The following XRCC6 variants were observed in gnomAD, a reference collection of about 807,000 sequenced individuals.
XRCC6 encodes DNA repair protein Ku70.
XRCC6 carries 5 observed loss-of-function variants against 65.7 expected under a neutral mutation model. The observed-to-expected ratio is 0.08, with a 90% CI of 0.04 to 0.16. The LOEUF (loss-of-function observed/expected upper bound fraction) is 0.16. Among genes scored for constraint, XRCC6 ranks in the 10% least tolerant of loss-of-function variants. XRCC6 has a pLI of 1.00. For synonymous variants in XRCC6, 270 were observed against 270.6 expected (o/e 1.00, Z 0.02); for missense variants, 447 against 738.1 (o/e 0.61, Z 4.57).
intron 3 of XRCC6, among the ~76,000 whole-genome samples, chr22:41,632,538 G>A (rs564164631): frequency 3.7e-4 from 57 of 152,236 alleles, no homozygotes; most frequent in African/African-American, 1.3e-3. Flanking sequence ...TTGAACTGGG[G>A]AGGTGGACGT....
intron 6 of XRCC6, among the ~76,000 whole-genome samples, chr22:41,644,997 C>T (rs368478431): frequency 6.6e-6 from 1 of 151,896 alleles, no homozygotes; most frequent in East Asian, 1.9e-4. Flanking sequence ...TCTTGAGTGG[C>T]AAGCAATAAA....
In XRCC6 at chr22:41,650,911, G is replaced by T; in HGVS notation, c.1129+20G>T. 1 of 1,613,820 alleles carries T rather than the reference G, an allele frequency of 6.2e-7. No homozygotes were observed. Among genetic ancestry groups the T allele is most frequent in the Non-Finnish European group, 8.5e-7 (1 of 1,179,768 alleles). On this transcript the variant is annotated intron_variant, in intron 8 of 12. Transcript: ENST00000360079. ...TGATTGGTAAGTAGCGTGGACCATG[G>T]ATGAGTGACTCTAACACACAGTGCA...
At position 41,647,186 on chromosome 22, in the gene XRCC6, C is replaced by T. The variant is rs1467767243; in HGVS notation, c.960+104C>T. 2.4e-6 allele frequency: 3 copies of T among 1,232,082 alleles called. No individual in the cohort carries two copies. In the East Asian group the frequency reaches 7.1e-5, roughly 29 times the overall value. 76.3% of individuals were successfully genotyped at this position (1,232,082 alleles called of 1,614,324 possible). A position where few individuals can be genotyped will look rare whatever the true frequency, so the allele number is the denominator to read the frequency against. ...CGAACATGACTCGCTACAGCCTTGACCTCCTGGACTCAAGCGATCCTTCTG... is the reference window on the plus strand; with the variant it reads ...CGAACATGACTCGCTACAGCCTTGATCTCCTGGACTCAAGCGATCCTTCTG... On this transcript the variant is annotated intron_variant, in intron 7 of 12. Coordinates refer to ENST00000360079, the MANE Select transcript of XRCC6 (RefSeq NM_001469.5).
At chr22:41,658,921 C>T (rs937089967) in intron 11 of XRCC6, among the ~76,000 whole-genome samples, 20 of 152,130 alleles carry the variant, frequency 1.3e-4, no homozygotes, top group African/African-American at 4.8e-4. Flanking sequence ...CAGAGCGAGA[C>T]GCTGTCTCAA....
intron 7 of XRCC6, 97 bp downstream of exon 7, chr22:41,647,179 G>T (rs555733171): frequency 7.5e-7 from 1 of 1,324,526 alleles, no homozygotes; most frequent in Non-Finnish European, 1.0e-6. Context: ...ACTCGCTACA[G>T]CCTTGACCTC....
intron 3 of XRCC6, among the ~76,000 whole-genome samples, chr22:41,631,866 C>G (rs2067757152): frequency 6.6e-6 from 1 of 152,198 alleles, no homozygotes; most frequent in Non-Finnish European, 1.5e-5. Flanking sequence ...CAGACACCGT[C>G]TGCAATCCCG....
intron 2 of XRCC6, among the ~76,000 whole-genome samples, chr22:41,622,975 T>TA (rs1263928511): frequency 6.6e-6 from 1 of 151,246 alleles, no homozygotes; most frequent in African/African-American, 2.4e-5. Flanking sequence ...ACATAGGAAA[T>TA]ACAAAAAAGA....
At chr22:41,641,812 G>C (rs1453471353) in intron 6 of XRCC6, among the ~76,000 whole-genome samples, 2 of 151,418 alleles carry the variant, frequency 1.3e-5, no homozygotes, top group Non-Finnish European at 2.9e-5. Context: ...TTTTTTTTGA[G>C]CCTGAGTCTT....
rs370684742 is a variant in XRCC6, at chr22:41,652,701, T to A, written c.1130-828T>A. On this transcript the variant is annotated intron_variant, in intron 8 of 12. Transcript: ENST00000360079. ...TTTCTGTTTGTTTGTTTTGAAACAG[T>A]CTCACTCTGTCGCCCAGGCTGGAAT... Among the ~76,000 whole-genome samples the A allele has an allele frequency of 1.2e-4, 15 of 126,204 alleles. 1 individual carries two copies. Among genetic ancestry groups the A allele is most frequent in the Non-Finnish European group, 2.0e-4 (12 of 58,702 alleles). 82.8% of individuals were successfully genotyped at this position (126,204 alleles called of 152,430 possible). A position where few individuals can be genotyped will look rare whatever the true frequency, so the allele number is the denominator to read the frequency against.
At chr22:41,623,391 C>A (rs1325045088) in intron 2 of XRCC6, among the ~76,000 whole-genome samples, 4 of 151,932 alleles carry the variant, frequency 2.6e-5, no homozygotes, top group Admixed American at 1.3e-4. Flanking sequence ...TATCTGATTT[C>A]TTTTTCTTTT....
chr22:41,624,876 A>C (rs1438678788), intron 2 of XRCC6, among the ~76,000 whole-genome samples: 1 of 151,218 alleles, frequency 6.6e-6, no homozygotes, highest in Non-Finnish European at 1.5e-5. Flanking sequence ...AGGCGCTTGT[A>C]GTCCCAGCTA....
intron 3 of XRCC6, among the ~76,000 whole-genome samples, chr22:41,629,525 A>G (rs1405087279): frequency 6.6e-6 from 1 of 152,220 alleles, no homozygotes; most frequent in Non-Finnish European, 1.5e-5. Flanking sequence ...GTGGTTGGTT[A>G]CCTGAGGCAC....
At chr22:41,653,117 T>C (rs564169656) in intron 8 of XRCC6, among the ~76,000 whole-genome samples, 1 of 152,216 alleles carries the variant, frequency 6.6e-6, no homozygotes, top group African/African-American at 2.4e-5. Flanking sequence ...TATAAGCCCT[T>C]TAAAGGCTTG....
chr22:41,636,332 A>G (rs554222489), intron 4 of XRCC6, 81 bp downstream of exon 4: 1 of 1,516,280 alleles, frequency 6.6e-7, no homozygotes, highest in African/African-American at 1.4e-5. Context: ...TGGAGAAGGA[A>G]GCAAGTTACA....
At chr22:41,654,862 G>A (rs903822586) in intron 9 of XRCC6, among the ~76,000 whole-genome samples, 4 of 152,194 alleles carry the variant, frequency 2.6e-5, no homozygotes, top group African/African-American at 9.7e-5. Context: ...GGTAGGAACA[G>A]TAAATACAGG....
At chr22:41,630,698 ACTCTTAACGAGCATGCTGC>A (rs1336656307) in intron 3 of XRCC6, among the ~76,000 whole-genome samples, 2 of 151,642 alleles carry the variant, frequency 1.3e-5, no homozygotes, top group Non-Finnish European at 2.9e-5. Flanking sequence ...AGTGGTGATG[ACTCTTAACGAGCATGCTGC>A]CTTCAATCCA....
chr22:41,649,139 A>AAAAATATATATATATATATATATATATAT, intron 7 of XRCC6, among the ~76,000 whole-genome samples: 1 of 88,728 alleles, frequency 1.1e-5, no homozygotes, highest in Non-Finnish European at 2.1e-5. Flanking sequence ...AAAAAAAAAA[A>AAAAATATATATATATATATATATATATAT]ATATATATAT....
intron 3 of XRCC6, among the ~76,000 whole-genome samples, chr22:41,631,084 G>A (rs2067739847): frequency 7.8e-6 from 1 of 128,876 alleles, no homozygotes; most frequent in South Asian, 2.1e-4. Context: ...TGCTGGCCGG[G>A]TGGGGGGATG....
At chr22:41,632,249 T>G (rs1428693191) in intron 3 of XRCC6, among the ~76,000 whole-genome samples, 1 of 152,152 alleles carries the variant, frequency 6.6e-6, no homozygotes, top group East Asian at 1.9e-4. Context: ...TTATTATATA[T>G]CTCATGTCTC....
Sources: allele counts gnomAD v4.1 joint callset (sites outside exome capture counted in the v4.1 genomes callset), GRCh38; gene constraint gnomAD v4.1.1; transcripts MANE v1.5; gene names NCBI Gene and HGNC (gene_info 2026-07-23, HGNC 2026-07-21).